Variants in CHDH observed in about 807,000 individuals in gnomAD.
CHDH encodes choline dehydrogenase.
Under a neutral mutation model 56.9 loss-of-function variants are expected in CHDH, and 43 were observed. The ratio of observed to expected loss-of-function variants is 0.76; its 90% CI spans 0.59 to 0.97. CHDH has a LOEUF of 0.97. CHDH is among the 50% of genes least tolerant of loss of function. CHDH has a pLI of 0.00. For synonymous variants in CHDH, 364 were observed against 348.5 expected, an observed-to-expected ratio of 1.04 and a Z score of -0.50; for missense variants, 816 against 821.1, an observed-to-expected ratio of 0.99 and a Z score of 0.08.
In CHDH at chr3:53,817,868, T is replaced by G; in HGVS notation, c.1694A>C (p.Glu565Ala). ...CCCCTTGATAATGTCAGCTGCCTTC[T>G]CTGCGATCATGATTGTGGGGGCGTT... ...NLNAPTIMIA[E>A]KAADIIKGQP... Residue 565 changes from glutamate (E) to alanine (A), a missense_variant, in exon 9 of 9, where the codon GAG (glutamate) becomes GCG (alanine). Transcript: ENST00000315251. 1 of 1,614,222 alleles carries G rather than the reference T, an allele frequency of 6.2e-7. No individual in the cohort carries two copies. Among genetic ancestry groups the G allele is most frequent in the Non-Finnish European group, 8.5e-7 (1 of 1,180,038 alleles).
At chr3:53,822,262 G>T (rs887992442) in intron 4 of CHDH, among the ~76,000 whole-genome samples, 13 of 151,914 alleles carry the variant, frequency 8.6e-5, no homozygotes, top group African/African-American at 2.9e-4. Context: ...TCTGAATTAG[G>T]CATGGCACAC....
intron 2 of CHDH, among the ~76,000 whole-genome samples, chr3:53,837,760 T>C (rs551167908): frequency 6.2e-4 from 93 of 150,748 alleles, no homozygotes; most frequent in Non-Finnish European, 1.3e-3. Context: ...AAAAGCAGAG[T>C]GTATGTAAGG....
chr3:53,817,701 G>T lies in CHDH; in HGVS notation c.*76C>A. 1 of 1,305,878 alleles carries T rather than the reference G, an allele frequency of 7.7e-7. No individual in the cohort carries two copies. The highest frequency in any genetic ancestry group is 1.5e-5 in the South Asian group (1 of 68,312). The allele number at this position is 1,305,878 out of a possible 1,614,324, so 80.9% of individuals were successfully genotyped here. The stretch of plus-strand genomic sequence containing the variant: ...GTGTGCTAGATAGTTTCAGGCAGGA[G>T]CCTGGGAGCAAGGGCTGTGCTGGCC... On this transcript the variant is annotated 3_prime_UTR_variant, in exon 9 of 9. Transcript: ENST00000315251.
Position 53,823,500 on chromosome 3 carries a change from G to A in CHDH, c.509C>T (p.Ala170Val), listed in dbSNP as rs1191691933. 26 of 1,542,844 alleles carry A rather than the reference G, an allele frequency of 1.7e-5. No individual in the cohort carries two copies. The highest frequency in any genetic ancestry group is 2.4e-5 in the East Asian group (1 of 40,830). Reference protein sequence around the residue: ...YAHCLPYFRKAQGHELGASRY... With the variant: ...YAHCLPYFRKVQGHELGASRY... ...GCTGGCGCCCAGCTCGTGGCCCTGC[G>A]CCTTGCGGAAGTAGGGCAGGCAGTG... The change falls in exon 3 of 9, where the codon GCG becomes GTG. Residue 170 changes from alanine (A) to valine (V), a missense_variant. Transcript: ENST00000315251.
intron 2 of CHDH, among the ~76,000 whole-genome samples, chr3:53,831,774 T>A (rs1393931191): frequency 6.6e-6 from 1 of 152,112 alleles, no homozygotes; most frequent in African/African-American, 2.4e-5. Context: ...AATAAACACA[T>A]GAAAAGATGC....
At chr3:53,841,563 A>C (rs892770539) in intron 1 of CHDH, among the ~76,000 whole-genome samples, 2 of 152,204 alleles carry the variant, frequency 1.3e-5, no homozygotes, top group Non-Finnish European at 2.9e-5. Context: ...AAGGTTAGCC[A>C]GCCAATTTTC....
chr3:53,843,732 G>A (rs1698755169), intron 1 of CHDH, among the ~76,000 whole-genome samples: 1 of 152,068 alleles, frequency 6.6e-6, no homozygotes, highest in Non-Finnish European at 1.5e-5. Context: ...CAGAAACCCA[G>A]ACCTAGCAGA....
At chr3:53,828,746 T>C (rs374253293) in intron 2 of CHDH, among the ~76,000 whole-genome samples, 25 of 152,138 alleles carry the variant, frequency 1.6e-4, no homozygotes, top group African/African-American at 5.8e-4. Context: ...ACTGACAACA[T>C]CACATGCTGA....
In CHDH at chr3:53,813,933, C is replaced by T. The variant is rs948607116; in HGVS notation, c.*3844G>A. On this transcript the variant is annotated 3_prime_UTR_variant, in exon 9 of 9. Coordinates refer to ENST00000315251, the MANE Select transcript of CHDH (RefSeq NM_018397.5). ...ATGGCAGCTATGATTTCACCGTCAA[C>T]TGGCAGCGAGAACCTCACTAAGAAC... is the stretch of plus-strand genomic sequence containing the variant. 1.4e-4 allele frequency: 21 copies of T among 152,268 alleles called. No homozygotes were observed. The highest frequency in any genetic ancestry group is 5.1e-4 in the African/African-American group (21 of 41,474). The allele number at this position is 152,268 out of a possible 1,614,324, so 9.4% of individuals were successfully genotyped here. A position where few individuals can be genotyped will look rare whatever the true frequency, so the allele number is the denominator to read the frequency against.
chr3:53,838,469 G>A (rs1698573465), intron 2 of CHDH, among the ~76,000 whole-genome samples: 1 of 152,326 alleles, frequency 6.6e-6, no homozygotes, highest in African/African-American at 2.4e-5. Context: ...GAGGGCCTCG[G>A]GTGAAAGTAG....
rs2095634224 is a variant in CHDH at position 53,824,014 on chromosome 3, T to C, written c.-6A>G. ...CCTCGTAGGAGACACCACATGCTTC[T>C]ATCTAGTCCAAGTCCTCTGATCCAC... On this transcript the variant is annotated 5_prime_UTR_variant, in exon 3 of 9. It adds an upstream start codon to the 5' untranslated region. Transcript: ENST00000315251. 11 of 1,452,918 alleles carry C rather than the reference T, an allele frequency of 7.6e-6. No individual in the cohort carries two copies. Among genetic ancestry groups the C allele is most frequent in the Non-Finnish European group, 9.0e-6 (10 of 1,111,160 alleles). The allele number at this position is 1,452,918 out of a possible 1,614,324, so 90.0% of individuals were successfully genotyped here.
At chr3:53,826,357 T>C (rs2095639102) in intron 2 of CHDH, among the ~76,000 whole-genome samples, 1 of 149,878 alleles carries the variant, frequency 6.7e-6, no homozygotes, top group African/African-American at 2.4e-5. Flanking sequence ...TTCATGAACA[T>C]AGATAAAAAC....
At chr3:53,833,484 G>A (rs1481164522) in intron 2 of CHDH, among the ~76,000 whole-genome samples, 4 of 152,344 alleles carry the variant, frequency 2.6e-5, no homozygotes, top group African/African-American at 9.6e-5. Flanking sequence ...AGGAGTTCCA[G>A]GGAAGCAGCC....
intron 1 of CHDH, among the ~76,000 whole-genome samples, chr3:53,845,665 C>G (rs770024682): frequency 3.3e-5 from 5 of 152,154 alleles, no homozygotes; most frequent in African/African-American, 4.8e-5. Context: ...CGGGCCTGAC[C>G]CGGACCTGCC....
chr3:53,836,699 C>T (rs894781043), intron 2 of CHDH, among the ~76,000 whole-genome samples: 5 of 152,236 alleles, frequency 3.3e-5, no homozygotes, highest in African/African-American at 1.2e-4. Context: ...CAAGGGGACA[C>T]ATGCAGGGGA....
chr3:53,821,758 C>A lies in CHDH; in HGVS notation c.874G>T (p.Val292Leu). 1 of 1,613,970 alleles carries A rather than the reference C, an allele frequency of 6.2e-7. No homozygotes were observed. Among genetic ancestry groups the A allele is most frequent in the Non-Finnish European group, 8.5e-7 (1 of 1,179,922 alleles). The change falls in exon 5 of 9, where the codon GTG (valine) becomes TTG (leucine). Residue 292 changes from valine (V) to leucine (L), a missense_variant. Transcript: ENST00000315251. ...QSHRAYASKEVILSGGAINSP... is the reference protein window; with the variant it reads ...QSHRAYASKELILSGGAINSP... ...TTGATGGCACCTCCACTCAGAATCA[C>A]CTCCTTGCTGGCATAAGCCTGGAAG...
At chr3:53,832,253 C>T (rs1451955146) in intron 2 of CHDH, among the ~76,000 whole-genome samples, 2 of 152,036 alleles carry the variant, frequency 1.3e-5, no homozygotes, top group Non-Finnish European at 2.9e-5. Context: ...TGAGTAGGGC[C>T]GGGCATGGTG....
chr3:53,812,390 T>TGAAA lies in CHDH; in HGVS notation c.*5383_*5386dup, dbSNP rs1436588373. ...TCCTCTGGGGTTAAAATTTTAAGTT[T>TGAAA]GAAAGAACTTGACACTACAGAAATT... On this transcript the variant is annotated 3_prime_UTR_variant, in exon 9 of 9. Coordinates refer to ENST00000315251, the MANE Select transcript of CHDH (RefSeq NM_018397.5). The TGAAA allele has an allele frequency of 6.6e-6, 1 of 152,248 alleles. No individual in the cohort carries two copies. The highest frequency in any genetic ancestry group is 2.4e-5 in the African/African-American group (1 of 41,466). The allele number at this position is 152,248 out of a possible 1,614,324, so 9.4% of individuals were successfully genotyped here. A position where few individuals can be genotyped will look rare whatever the true frequency, so the allele number is the denominator to read the frequency against.
chr3:53,839,363 C>T (rs1698603376), intron 2 of CHDH, among the ~76,000 whole-genome samples: 1 of 152,178 alleles, frequency 6.6e-6, no homozygotes, highest in South Asian at 2.1e-4. Flanking sequence ...CACAGTTCTT[C>T]AACAATAAAT....
Sources: gnomAD v4.1 joint callset for allele counts (sites outside exome capture counted in the v4.1 genomes callset) on GRCh38, gnomAD v4.1.1 for gene constraint, MANE v1.5 for transcripts, NCBI Gene and HGNC (gene_info 2026-07-23, HGNC 2026-07-21) for gene names.